VPS13B: variants seen among roughly 807,000 people sequenced by gnomAD.
The protein encoded by VPS13B is vacuolar protein sorting 13 homolog B.
A neutral mutation model predicts 426.4 loss-of-function variants in VPS13B; 285 were observed. The ratio of observed to expected loss-of-function variants is 0.67; its 90% CI spans 0.61 to 0.74. The LOEUF is 0.74. VPS13B is among the 30% of genes least tolerant of loss of function. The probability of loss-of-function intolerance (pLI) is 0.00; values close to 1 mark genes in which losing one functional copy is unlikely to be tolerated. For synonymous variants in VPS13B, 1,676 were observed against 1,676.4 expected, an observed-to-expected ratio of 1.00 and a Z score of 0.01; for missense variants, 4,537 against 4,782.6, an observed-to-expected ratio of 0.95 and a Z score of 1.51.
intron 35 of VPS13B, among the ~76,000 whole-genome samples, chr8:99,668,256 C>T (rs147103261): frequency 5.3e-5 from 8 of 150,876 alleles, no homozygotes; most frequent in African/African-American, 1.7e-4. Context: ...CTCAGAGAGC[C>T]GAGGTGGGAG....
At chr8:99,725,225 T>C (rs556108105) in intron 39 of VPS13B, among the ~76,000 whole-genome samples, 25 of 152,192 alleles carry the variant, frequency 1.6e-4, no homozygotes, top group Non-Finnish European at 2.6e-4. Context: ...CTCTCCTAGA[T>C]TGTATGTCTG....
chr8:99,100,176 CAGTGAT>C (rs1461378869), intron 4 of VPS13B, among the ~76,000 whole-genome samples: 1 of 152,118 alleles, frequency 6.6e-6, no homozygotes, highest in Non-Finnish European at 1.5e-5. Flanking sequence ...AGTAAGGAAA[CAGTGAT>C]AGTCTTCTAC....
chr8:99,029,668 C>G (rs189605548), intron 2 of VPS13B, among the ~76,000 whole-genome samples: 7,476 of 151,620 alleles, frequency 0.049, 212 homozygotes, highest in African/African-American at 0.071. Context: ...CGCAGGCACT[C>G]GGCAGGCTGA....
At chr8:99,755,160 C>T (rs1182474809) in intron 39 of VPS13B, among the ~76,000 whole-genome samples, 1 of 152,086 alleles carries the variant, frequency 6.6e-6, no homozygotes, top group African/African-American at 2.4e-5. Context: ...TGAGAAGGTC[C>T]TGTACTCTCA....
intron 25 of VPS13B, among the ~76,000 whole-genome samples, chr8:99,484,673 T>C (rs967334587): frequency 1.3e-5 from 2 of 152,114 alleles, no homozygotes; most frequent in African/African-American, 4.8e-5. Context: ...GATGCACACA[T>C]AGTTAATCTT....
intron 2 of VPS13B, among the ~76,000 whole-genome samples, chr8:99,027,038 A>G (rs1842176546): frequency 6.6e-6 from 1 of 151,960 alleles, no homozygotes; most frequent in Non-Finnish European, 1.5e-5. Context: ...CATCATGCCC[A>G]GCTAATTTTT....
chr8:99,052,925 CTTCT>C (rs1843637630), intron 3 of VPS13B, among the ~76,000 whole-genome samples: 2 of 151,774 alleles, frequency 1.3e-5, no homozygotes, highest in Admixed American at 1.3e-4. Flanking sequence ...TCTCTCTTTT[CTTCT>C]TTATTACTCT....
chr8:99,101,293 G>A (rs377021095), intron 4 of VPS13B, among the ~76,000 whole-genome samples: 1 of 151,962 alleles, frequency 6.6e-6, no homozygotes, highest in East Asian at 1.9e-4. Context: ...CACCACGCCC[G>A]GCTAATTTTT....
At chr8:99,719,979 G>T (rs1317723903) in intron 37 of VPS13B, among the ~76,000 whole-genome samples, 1 of 152,100 alleles carries the variant, frequency 6.6e-6, no homozygotes, top group Non-Finnish European at 1.5e-5. Context: ...TTATTATTAT[G>T]ATTTTATTAA....
rs551546712 is a variant in VPS13B, at chr8:99,604,502, T to G, written c.5220+26869T>G. Among the ~76,000 whole-genome samples the G allele has an allele frequency of 2.1e-5, 3 of 141,374 alleles. No individual in the cohort carries two copies. In the South Asian group the frequency reaches 7.1e-4, roughly 34 times the overall value. 92.7% of individuals were successfully genotyped at this position (141,374 alleles called of 152,430 possible). ...TCTCATAGTTTCCTTGGTGTTTTTT[T>G]TTTTTTTTTTTTTTTGAGACAGAGT... On this transcript the variant is annotated intron_variant, in intron 33 of 61. Transcript: ENST00000357162.
Position 99,192,983 on chromosome 8 carries a change from G to A in VPS13B, c.2441G>A (p.Ser814Asn). Residue 814 changes from serine to asparagine, a missense_variant, in exon 17 of 62, where the codon AGT (serine) becomes AAT (asparagine). Transcript: ENST00000357162. ...CTTCTCTTGCAAGCAATATATCAAA[G>A]TTGGTCTCATCTTGGAAATGTCAGC... ...QTLLLQAIYQ[S>N]WSHLGNVSSS... 3 of 1,613,696 alleles carry A rather than the reference G, an allele frequency of 1.9e-6. No homozygotes were observed. The East Asian group carries it at 6.7e-5, about 36-fold the overall frequency.
chr8:99,136,591 C>T (rs1355890366), intron 11 of VPS13B, 74 bp from the exon 12 acceptor site: 3 of 1,412,326 alleles, frequency 2.1e-6, no homozygotes, highest in African/African-American at 2.8e-5. Flanking sequence ...AGATATGTGT[C>T]TAACCTATCA....
At chr8:99,234,514 C>T (rs1291357624) in intron 17 of VPS13B, 3 of 505,512 alleles carry the variant, frequency 5.9e-6, no homozygotes, top group Admixed American at 2.3e-5. Flanking sequence ...AAGGGGCTTC[C>T]GCGGGGTTGG....
chr8:99,051,406 A>G (rs1258672944), intron 3 of VPS13B, among the ~76,000 whole-genome samples: 1 of 151,316 alleles, frequency 6.6e-6, no homozygotes, highest in African/African-American at 2.4e-5. Flanking sequence ...TTTTGGTACC[A>G]GTACCATGCT....
intron 20 of VPS13B, among the ~76,000 whole-genome samples, chr8:99,386,605 CA>C (rs1383355144): frequency 6.6e-6 from 1 of 152,132 alleles, no homozygotes; most frequent in African/African-American, 2.4e-5. Flanking sequence ...ATGGAACCAC[CA>C]TCGTGTATGC....
intron 18 of VPS13B, among the ~76,000 whole-genome samples, chr8:99,274,605 T>G (rs1320151792): frequency 6.6e-6 from 1 of 152,052 alleles, no homozygotes; most frequent in African/African-American, 2.4e-5. Flanking sequence ...GAATAGGAGG[T>G]GTATATATAT....
intron 29 of VPS13B, among the ~76,000 whole-genome samples, chr8:99,518,262 A>G (rs1394926672): frequency 1.3e-5 from 2 of 152,180 alleles, no homozygotes; most frequent in Non-Finnish European, 2.9e-5. Flanking sequence ...CCTTTGTGGT[A>G]CGGTTTATTC....
intron 19 of VPS13B, among the ~76,000 whole-genome samples, chr8:99,378,734 A>AG (rs1258785704): frequency 1.3e-5 from 2 of 152,204 alleles, no homozygotes; most frequent in East Asian, 3.8e-4. Flanking sequence ...TCAGTGCTTG[A>AG]GGATATAAAT....
intron 19 of VPS13B, among the ~76,000 whole-genome samples, chr8:99,327,381 A>C (rs1810331404): frequency 6.6e-6 from 1 of 152,216 alleles, no homozygotes; most frequent in African/African-American, 2.4e-5. Flanking sequence ...TGTATTAATA[A>C]TTAATATAGG....
Sources: allele counts gnomAD v4.1 joint callset (sites outside exome capture counted in the v4.1 genomes callset), GRCh38; gene constraint gnomAD v4.1.1; transcripts MANE v1.5; gene names NCBI Gene and HGNC (gene_info 2026-07-23, HGNC 2026-07-21).